Variants in FIGN observed in about 807,000 individuals in gnomAD.
The protein encoded by FIGN is fidgetin.
A neutral mutation model predicts 51.3 loss-of-function variants in FIGN; 11 were observed. The ratio of observed to expected loss-of-function variants is 0.21; its 90% CI spans 0.13 to 0.35. The LOEUF is 0.35. Among genes scored for constraint, FIGN ranks in the 10% least tolerant of loss-of-function variants. The probability of loss-of-function intolerance (pLI) is 1.00; values close to 1 mark genes in which losing one functional copy is unlikely to be tolerated. For synonymous variants in FIGN, 407 were observed against 363.2 expected, an observed-to-expected ratio of 1.12 and a Z score of -1.37; for missense variants, 857 against 943.6, an observed-to-expected ratio of 0.91 and a Z score of 1.20.
intron 2 of FIGN, among the ~76,000 whole-genome samples, chr2:163,718,814 A>ATT (rs1309288234): frequency 1.3e-5 from 2 of 149,334 alleles, no homozygotes; most frequent in South Asian, 2.1e-4. Context: ...TAATAAACAG[A>ATT]TTATATATAT....
chr2:163,695,487 T>C (rs543587736), intron 2 of FIGN, among the ~76,000 whole-genome samples: 1 of 152,260 alleles, frequency 6.6e-6, no homozygotes, highest in Non-Finnish European at 1.5e-5. Flanking sequence ...CTTGATTCCT[T>C]AGAGCTTGTC....
chr2:163,734,174 G>A (rs536076598), intron 2 of FIGN, among the ~76,000 whole-genome samples: 2 of 151,894 alleles, frequency 1.3e-5, no homozygotes, highest in East Asian at 3.9e-4. Flanking sequence ...TTCAGTGCCT[G>A]ATTATTTAAT....
chr2:163,684,530 C>T lies in FIGN; in HGVS notation c.25+50373G>A, dbSNP rs537971922. On this transcript the variant is annotated intron_variant, in intron 2 of 2. Coordinates refer to ENST00000333129, the MANE Select transcript of FIGN (RefSeq NM_018086.4). ...AAGGATAGAATTTAACCCATTAGGTCTCAGGTCTTTTCTTCCCTAGCTTGG... is the reference window on the plus strand; with the variant it reads ...AAGGATAGAATTTAACCCATTAGGTTTCAGGTCTTTTCTTCCCTAGCTTGG... Among the ~76,000 whole-genome samples the T allele has an allele frequency of 2.4e-4, 36 of 152,222 alleles. 1 individual carries two copies. The South Asian group carries it at 7.5e-3, about 32-fold the overall frequency.
chr2:163,621,959 T>C (rs577771477), intron 2 of FIGN, among the ~76,000 whole-genome samples: 45 of 152,212 alleles, frequency 3.0e-4, no homozygotes, highest in Admixed American at 2.6e-3. Context: ...TTTCATCTAC[T>C]GTTATGATGC....
In FIGN at chr2:163,606,746, C is replaced by T. The variant is rs1050923211; in HGVS notation, c.*2806G>A. Reference sequence around the variant, plus strand: ...TCTACTCAAAGGTCAGCCATATCTCCTCCAACAGATCTTCATTTCTTCAAC... The same window carrying T: ...TCTACTCAAAGGTCAGCCATATCTCTTCCAACAGATCTTCATTTCTTCAAC... On this transcript the variant is annotated 3_prime_UTR_variant, in exon 3 of 3. Coordinates refer to ENST00000333129, the MANE Select transcript of FIGN (RefSeq NM_018086.4). 2 of 152,180 alleles carry T rather than the reference C, an allele frequency of 1.3e-5. No individual in the cohort carries two copies. The highest frequency in any genetic ancestry group is 4.8e-5 in the African/African-American group (2 of 41,460). 9.4% of individuals were successfully genotyped at this position (152,180 alleles called of 1,614,324 possible).
chr2:163,730,558 G>A (rs1684912099), intron 2 of FIGN, among the ~76,000 whole-genome samples: 1 of 151,072 alleles, frequency 6.6e-6, no homozygotes, highest in South Asian at 2.1e-4. Flanking sequence ...GCAGAATTTT[G>A]GGACTTGTAA....
At chr2:163,641,436 C>G (rs2119289) in intron 2 of FIGN, among the ~76,000 whole-genome samples, 131,257 of 152,178 alleles carry the variant, frequency 0.86, 56,793 homozygotes, top group Middle Eastern at 0.91. Flanking sequence ...GGAATTTGTA[C>G]GCCATTAGTT....
intron 2 of FIGN, among the ~76,000 whole-genome samples, chr2:163,657,307 C>T (rs1461250978): frequency 2.0e-5 from 3 of 152,140 alleles, no homozygotes; most frequent in Non-Finnish European, 4.4e-5. Flanking sequence ...GAAGCCTCCT[C>T]GCTCTCAGCA....
At chr2:163,630,675 A>AGT in intron 2 of FIGN, among the ~76,000 whole-genome samples, 1 of 143,160 alleles carries the variant, frequency 7.0e-6, no homozygotes, top group African/African-American at 2.6e-5. Context: ...TACAAAAAAA[A>AGT]GGGGGGGGGG....
At chr2:163,642,555 C>A (rs1430332511) in intron 2 of FIGN, among the ~76,000 whole-genome samples, 1 of 152,082 alleles carries the variant, frequency 6.6e-6, no homozygotes, top group South Asian at 2.1e-4. Flanking sequence ...TCTAGGATAA[C>A]CTAGAACCTA....
At chr2:163,632,780 G>C (rs1359508095) in intron 2 of FIGN, among the ~76,000 whole-genome samples, 2 of 152,302 alleles carry the variant, frequency 1.3e-5, no homozygotes, top group African/African-American at 4.8e-5. Context: ...CAGGCGGGTA[G>C]ATTTCAGAAG....
At chr2:163,710,526 T>A (rs1573965617) in intron 2 of FIGN, among the ~76,000 whole-genome samples, 1 of 152,116 alleles carries the variant, frequency 6.6e-6, no homozygotes, top group Non-Finnish European at 1.5e-5. Flanking sequence ...AAATGGCAGG[T>A]GGAAATGTGT....
intron 2 of FIGN, among the ~76,000 whole-genome samples, chr2:163,638,229 T>C (rs1683255728): frequency 6.6e-6 from 1 of 151,696 alleles, no homozygotes; most frequent in Non-Finnish European, 1.5e-5. Context: ...AAGACTTGTA[T>C]GAGCAGGAAT....
At chr2:163,676,445 A>C (rs1219440324) in intron 2 of FIGN, among the ~76,000 whole-genome samples, 18 of 51,522 alleles carry the variant, frequency 3.5e-4, no homozygotes, top group South Asian at 6.1e-4. Context: ...ATATATATAT[A>C]TATATATATA....
rs1690997798 is a variant in FIGN at position 163,602,753 on chromosome 2, C to A, written c.*6799G>T. The A allele has an allele frequency of 6.6e-6, 1 of 151,898 alleles. No individual in the cohort carries two copies. The highest frequency in any genetic ancestry group is 1.5e-5 in the Non-Finnish European group (1 of 67,938). 9.4% of individuals were successfully genotyped at this position (151,898 alleles called of 1,614,324 possible). ...TCTGCCTTGAACCACATTTTTAATT[C>A]TTCAATGGTTACTACTGAAACTAGT... On this transcript the variant is annotated 3_prime_UTR_variant, in exon 3 of 3. Coordinates refer to ENST00000333129, the MANE Select transcript of FIGN (RefSeq NM_018086.4).
chr2:163,610,458 G>T lies in FIGN; in HGVS notation c.1374C>A (p.Asp458Glu), dbSNP rs769689570. The T allele has an allele frequency of 6.6e-5, 106 of 1,614,016 alleles. No individual in the cohort carries two copies. The Middle Eastern group carries it at 2.0e-3, about 30-fold the overall frequency. ...GCGTGTCAGTATTCTTCAGTTGCTC[G>T]TCCACAGAGTGGTTGGATGAGGTAG... ...RAATSSNHSV[D>E]EQLKNTDTHL... Residue 458 changes from aspartate to glutamate, a missense_variant, in exon 3 of 3, where the codon GAC becomes GAA. By Grantham distance (45) the Asp-to-Glu change is conservative (BLOSUM62 2). This residue lies in a region of FIGN where 799 missense variants were observed against 849.5 expected (regional missense o/e 0.94). Transcript: ENST00000333129.
At chr2:163,648,145 A>T (rs768457208) in intron 2 of FIGN, among the ~76,000 whole-genome samples, 4 of 151,960 alleles carry the variant, frequency 2.6e-5, no homozygotes, top group Non-Finnish European at 4.4e-5. Context: ...CTGAAATCCA[A>T]CCCCAGCCCC....
At position 163,602,622 on chromosome 2, in the gene FIGN, C is replaced by T. The variant is rs577061637; in HGVS notation, c.*6930G>A. The T allele has an allele frequency of 1.3e-5, 2 of 152,092 alleles. No homozygotes were observed. 9.4% of individuals were successfully genotyped at this position (152,092 alleles called of 1,614,324 possible). ...AAATCAAACTGCAATTTTTTTAACTCAGAATTTTTTTTTATTTGAGGTATG... is the reference window on the plus strand; with the variant it reads ...AAATCAAACTGCAATTTTTTTAACTTAGAATTTTTTTTTATTTGAGGTATG... On this transcript the variant is annotated 3_prime_UTR_variant, in exon 3 of 3. Transcript: ENST00000333129.
intron 2 of FIGN, among the ~76,000 whole-genome samples, chr2:163,679,495 CA>C (rs57717811): frequency 1.6e-3 from 226 of 143,814 alleles, no homozygotes; most frequent in South Asian, 8.7e-3. Context: ...GACTCCGTCT[CA>C]AAAAAAAAAA....
Sources: gnomAD v4.1 joint callset for allele counts (sites outside exome capture counted in the v4.1 genomes callset) on GRCh38, gnomAD v4.1.1 for gene constraint, gnomAD v4.1.1 regional missense constraint, MANE v1.5 for transcripts, NCBI Gene and HGNC (gene_info 2026-07-23, HGNC 2026-07-21) for gene names.